The following RFX4 variants were observed in gnomAD, a reference collection of about 807,000 sequenced individuals.
The protein encoded by RFX4 is regulatory factor X4, also known as transcription factor RFX4.
Under a neutral mutation model 95.0 loss-of-function variants are expected in RFX4, and 10 were observed. The ratio of observed to expected loss-of-function variants is 0.11; its 90% confidence interval spans 0.06 to 0.18. The LOEUF (loss-of-function observed/expected upper bound fraction) is 0.18. Ranked by LOEUF, RFX4 falls within the 10% of genes least tolerant of loss-of-function variation. The pLI is 1.00. For synonymous variants in RFX4, 321 were observed against 340.7 expected, an observed-to-expected ratio of 0.94 and a Z score of 0.64; for missense variants, 640 against 922.0, an observed-to-expected ratio of 0.69 and a Z score of 3.96.
At chr12:106,732,655 G>A (rs7972996) in intron 14 of RFX4, among the ~76,000 whole-genome samples, 1,674 of 152,150 alleles carry the variant, frequency 0.011, 8 homozygotes, top group Non-Finnish European at 0.016. Context: ...AGCCGAGTGT[G>A]CGCCACTGCA....
At chr12:106,725,407 T>C (rs2042474956) in intron 13 of RFX4, among the ~76,000 whole-genome samples, 1 of 152,216 alleles carries the variant, frequency 6.6e-6, no homozygotes, top group Admixed American at 6.5e-5. Context: ...TAATTAACTA[T>C]TGAATGTAAT....
rs975392572 is a variant in RFX4 at position 106,762,502 on chromosome 12, A to AT, written c.*1039dup. ...TAAAAATGTATTGTACTTTTGGAGAATTTTTTGTAGGCATTTTTCTGTCAG... is the reference window on the plus strand; with the variant it reads ...TAAAAATGTATTGTACTTTTGGAGAATTTTTTTGTAGGCATTTTTCTGTCAG... On this transcript the variant is annotated 3_prime_UTR_variant, in exon 18 of 18. Coordinates refer to ENST00000392842, the MANE Select transcript of RFX4 (RefSeq NM_213594.3). 1.3e-4 allele frequency: 20 copies of AT among 152,674 alleles called. No individual in the cohort carries two copies. Among genetic ancestry groups the AT allele is most frequent in the Admixed American group, 4.6e-4 (7 of 15,276 alleles). The allele number at this position is 152,674 out of a possible 1,614,324, so 9.5% of individuals were successfully genotyped here.
At chr12:106,722,367 A>G (rs907122174) in intron 13 of RFX4, among the ~76,000 whole-genome samples, 4 of 152,220 alleles carry the variant, frequency 2.6e-5, no homozygotes, top group Non-Finnish European at 5.9e-5. Flanking sequence ...CTGACCACGT[A>G]TGGTAGCAGG....
chr12:106,620,102 A>G (rs377723542), intron 2 of RFX4, among the ~76,000 whole-genome samples: 1 of 151,942 alleles, frequency 6.6e-6, no homozygotes, highest in East Asian at 1.9e-4. Context: ...ATCTATTTCT[A>G]TTATCTGGCT....
intron 4 of RFX4, among the ~76,000 whole-genome samples, chr12:106,672,326 C>T (rs1183234867): frequency 6.6e-6 from 1 of 152,136 alleles, no homozygotes; most frequent in African/African-American, 2.4e-5. Flanking sequence ...AGCTTCTCTG[C>T]TTCCCACCCC....
At chr12:106,684,122 T>A (rs1457289486) in intron 5 of RFX4, among the ~76,000 whole-genome samples, 1 of 152,142 alleles carries the variant, frequency 6.6e-6, no homozygotes, top group Non-Finnish European at 1.5e-5. Flanking sequence ...ATCCCAGCAC[T>A]TTGGGAGGCT....
At chr12:106,713,929 G>A (rs2042234795) in intron 10 of RFX4, among the ~76,000 whole-genome samples, 1 of 151,788 alleles carries the variant, frequency 6.6e-6, no homozygotes, top group South Asian at 2.1e-4. Flanking sequence ...AATTAGCTGG[G>A]TGTGGCAGCA....
At chr12:106,755,042 C>T (rs574009650) in intron 17 of RFX4, among the ~76,000 whole-genome samples, 1 of 152,348 alleles carries the variant, frequency 6.6e-6, no homozygotes, top group Admixed American at 6.5e-5. Context: ...TTATTCAGAG[C>T]ACTGTTCTAG....
chr12:106,609,909 A>G (rs1592847146), intron 2 of RFX4, among the ~76,000 whole-genome samples: 1 of 152,160 alleles, frequency 6.6e-6, no homozygotes, highest in East Asian at 1.9e-4. Context: ...AACTTCATGT[A>G]AATGGGATAA....
intron 2 of RFX4, 91 bp downstream of exon 2, chr12:106,608,974 C>T: frequency 8.9e-7 from 1 of 1,124,706 alleles, no homozygotes; most frequent in South Asian, 1.4e-5. Flanking sequence ...TAGGCTGGGC[C>T]AAGTCACCTG....
At chr12:106,715,379 G>A (rs374069658) in intron 10 of RFX4, 21 bp from the exon 11 acceptor site, 227 of 1,609,348 alleles carry the variant, frequency 1.4e-4, no homozygotes, top group Non-Finnish European at 1.9e-4. Flanking sequence ...GAGCTAACGA[G>A]TTGATTGGAT....
At chr12:106,628,166 G>A (rs2040342909) in intron 2 of RFX4, among the ~76,000 whole-genome samples, 1 of 152,150 alleles carries the variant, frequency 6.6e-6, no homozygotes, top group Non-Finnish European at 1.5e-5. Context: ...TGCCCGCAGT[G>A]TCAGTCTATC....
chr12:106,704,944 A>G (rs1441386282), intron 8 of RFX4, among the ~76,000 whole-genome samples: 1 of 152,156 alleles, frequency 6.6e-6, no homozygotes, highest in Non-Finnish European at 1.5e-5. Context: ...TCAGACAGAA[A>G]GGCAGAGGGC....
intron 13 of RFX4, among the ~76,000 whole-genome samples, chr12:106,722,600 T>C (rs1212548801): frequency 3.3e-5 from 5 of 152,058 alleles, no homozygotes; most frequent in African/African-American, 1.2e-4. Context: ...CTCAGGCAAA[T>C]GGCAAAAAAA....
intron 3 of RFX4, among the ~76,000 whole-genome samples, chr12:106,653,290 C>T (rs139791283): frequency 3.3e-4 from 51 of 152,306 alleles, no homozygotes; most frequent in African/African-American, 1.1e-3. Flanking sequence ...ATTTAGCACA[C>T]GGTCAGGACA....
At chr12:106,607,142 C>T (rs1209009274) in intron 1 of RFX4, among the ~76,000 whole-genome samples, 1 of 152,142 alleles carries the variant, frequency 6.6e-6, no homozygotes, top group Non-Finnish European at 1.5e-5. Flanking sequence ...TGTCCAAAAG[C>T]CTGCAGCCAT....
intron 9 of RFX4, among the ~76,000 whole-genome samples, chr12:106,710,140 G>T (rs1394216491): frequency 6.6e-6 from 1 of 152,116 alleles, no homozygotes; most frequent in Non-Finnish European, 1.5e-5. Context: ...AAGATGAAAT[G>T]ATTTTCAGCA....
At chr12:106,598,305 C>G (rs1464293899) in intron 1 of RFX4, among the ~76,000 whole-genome samples, 2 of 152,052 alleles carry the variant, frequency 1.3e-5, no homozygotes, top group Non-Finnish European at 2.9e-5. Context: ...CTCAATGGAA[C>G]GTTTGGCATC....
At chr12:106,628,938 T>C (rs1467877765) in intron 2 of RFX4, among the ~76,000 whole-genome samples, 1 of 151,848 alleles carries the variant, frequency 6.6e-6, no homozygotes. Flanking sequence ...TTTTGTGTTT[T>C]TGTAGAGGCA....
Sources: allele counts gnomAD v4.1 joint callset (sites outside exome capture counted in the v4.1 genomes callset), GRCh38; gene constraint gnomAD v4.1.1; transcripts MANE v1.5; gene names NCBI Gene and HGNC (gene_info 2026-07-23, HGNC 2026-07-21).